The following CAMK1D variants were observed in gnomAD, a reference collection of about 807,000 sequenced individuals.
CAMK1D encodes the protein calcium/calmodulin-dependent protein kinase type 1D.
Under a neutral mutation model 47.7 loss-of-function variants are expected in CAMK1D, and 9 were observed. That is an observed-to-expected ratio of 0.19 (90% CI 0.11 to 0.33). The LOEUF is 0.33. CAMK1D is among the 10% of genes least tolerant of loss of function. CAMK1D has a pLI of 1.00. For missense variants in CAMK1D, 291 were observed against 488.7 expected (o/e 0.60, Z 3.81); for synonymous variants, 184 against 184.9 (o/e 0.99, Z 0.04).
intron 2 of CAMK1D, among the ~76,000 whole-genome samples, chr10:12,638,243 C>T (rs1281688213): frequency 6.6e-6 from 1 of 152,188 alleles, no homozygotes; most frequent in Non-Finnish European, 1.5e-5. Flanking sequence ...GCTTCCACTG[C>T]CTGGCCCTCC....
chr10:12,643,422 C>T (rs1445871798), intron 2 of CAMK1D, among the ~76,000 whole-genome samples: 2 of 152,198 alleles, frequency 1.3e-5, no homozygotes, highest in African/African-American at 2.4e-5. Context: ...AGACGAGCGG[C>T]AGGTGAGTGG....
At chr10:12,535,284 C>A (rs12267896) in intron 1 of CAMK1D, among the ~76,000 whole-genome samples, 2,223 of 152,312 alleles carry the variant, frequency 0.015, 57 homozygotes, top group African/African-American at 0.05. Context: ...GCTCCAACTT[C>A]TTAGGATACC....
intron 2 of CAMK1D, among the ~76,000 whole-genome samples, chr10:12,625,369 T>G (rs1429880750): frequency 6.7e-6 from 1 of 149,592 alleles, no homozygotes; most frequent in Non-Finnish European, 1.5e-5. Flanking sequence ...AAAGAAACAG[T>G]TATCCAGGCT....
intron 1 of CAMK1D, among the ~76,000 whole-genome samples, chr10:12,497,757 GA>G (rs36035337): frequency 0.077 from 11,706 of 152,268 alleles, 573 homozygotes; most frequent in Admixed American, 0.14. Flanking sequence ...GATTAGATTG[GA>G]AAGTCCAGAG....
chr10:12,580,336 T>TC (rs1243856561), intron 2 of CAMK1D, among the ~76,000 whole-genome samples: 4,118 of 126,594 alleles, frequency 0.033, 209 homozygotes, highest in African/African-American at 0.12. Flanking sequence ...CTCCCTTCCT[T>TC]CCTTTTTTTT....
At chr10:12,645,970 G>GTT (rs5783282) in intron 2 of CAMK1D, among the ~76,000 whole-genome samples, 19 of 136,918 alleles carry the variant, frequency 1.4e-4, no homozygotes, top group East Asian at 8.6e-4. Context: ...ATGGCTAGTT[G>GTT]TTTTTTTTTT....
chr10:12,394,100 C>T (rs147221765), intron 1 of CAMK1D, among the ~76,000 whole-genome samples: 1 of 152,234 alleles, frequency 6.6e-6, no homozygotes, highest in African/African-American at 2.4e-5. Flanking sequence ...ACCATCCCAA[C>T]ACACGTTTGA....
At chr10:12,553,137 T>A in intron 1 of CAMK1D, 88 bp from the exon 2 acceptor site, 1 of 1,597,564 alleles carries the variant, frequency 6.3e-7, no homozygotes, top group Non-Finnish European at 8.5e-7. Context: ...CGTTATTGTT[T>A]ACTCAAACTT....
intron 3 of CAMK1D, among the ~76,000 whole-genome samples, chr10:12,721,299 A>G (rs1345072361): frequency 6.6e-6 from 1 of 152,226 alleles, no homozygotes; most frequent in African/African-American, 2.4e-5. Flanking sequence ...AGGGCTAGCA[A>G]TTTCTTCACT....
intron 2 of CAMK1D, among the ~76,000 whole-genome samples, chr10:12,616,124 A>G (rs1350880187): frequency 6.6e-6 from 1 of 151,670 alleles, no homozygotes; most frequent in African/African-American, 2.4e-5. Context: ...GTGGGTGTGT[A>G]TATGTAGGTG....
intron 1 of CAMK1D, among the ~76,000 whole-genome samples, chr10:12,388,147 C>G (rs568404654): frequency 6.6e-6 from 1 of 152,306 alleles, no homozygotes; most frequent in South Asian, 2.1e-4. Flanking sequence ...CTCAGCCTCC[C>G]AAGTAGCTGG....
chr10:12,466,821 GCTT>G (rs1833605941), intron 1 of CAMK1D, among the ~76,000 whole-genome samples: 1 of 152,098 alleles, frequency 6.6e-6, no homozygotes. Flanking sequence ...GCTACACAGG[GCTT>G]CTTACACGAG....
chr10:12,462,143 T>G (rs1323245001), intron 1 of CAMK1D, among the ~76,000 whole-genome samples: 1 of 149,874 alleles, frequency 6.7e-6, no homozygotes, highest in Non-Finnish European at 1.5e-5. Context: ...TTTGAATTTC[T>G]GGCCTATGAA....
chr10:12,797,134 A>G (rs1006822175), intron 6 of CAMK1D, among the ~76,000 whole-genome samples: 27 of 151,898 alleles, frequency 1.8e-4, no homozygotes, highest in African/African-American at 5.8e-4. Context: ...CACCTTCTCC[A>G]TAGAAGGATG....
intron 5 of CAMK1D, among the ~76,000 whole-genome samples, chr10:12,790,684 A>C (rs1588931809): frequency 6.6e-6 from 1 of 151,928 alleles, no homozygotes; most frequent in African/African-American, 2.4e-5. Context: ...TAGCGTCTTC[A>C]TATTTCTTTC....
intron 1 of CAMK1D, among the ~76,000 whole-genome samples, chr10:12,420,711 C>T (rs1346425616): frequency 1.3e-5 from 2 of 152,162 alleles, no homozygotes; most frequent in Non-Finnish European, 2.9e-5. Flanking sequence ...TATATTACAT[C>T]AGGGCCATGA....
chr10:12,581,421 A>G (rs573994194), intron 2 of CAMK1D, among the ~76,000 whole-genome samples: 2 of 152,264 alleles, frequency 1.3e-5, no homozygotes, highest in Non-Finnish European at 2.9e-5. Context: ...GGATTGCTGG[A>G]TCAAACAGTA....
Position 12,372,076 on chromosome 10 carries a change from A to T in CAMK1D, c.92+22166A>T, listed in dbSNP as rs1838022502. 2.0e-5 allele frequency among the ~76,000 whole-genome samples: 3 copies of T among 152,202 alleles called. No homozygotes were observed. In the South Asian group the frequency reaches 6.2e-4, roughly 31 times the overall value. On this transcript the variant is annotated intron_variant, in intron 1 of 10. Transcript: ENST00000619168. ...ACAGTTGCCTGTTGTATCCAGTGCC[A>T]TCACATGCTGTACAGGTTGGCAGTC...
chr10:12,432,469 A>C (rs117238389), intron 1 of CAMK1D, among the ~76,000 whole-genome samples: 6 of 77,372 alleles, frequency 7.8e-5, no homozygotes, highest in Non-Finnish European at 2.3e-4. Flanking sequence ...ATGAATTAAT[A>C]AATAAATCAA....
Sources: gnomAD v4.1 joint callset for allele counts (sites outside exome capture counted in the v4.1 genomes callset) on GRCh38, gnomAD v4.1.1 for gene constraint, MANE v1.5 for transcripts, NCBI Gene and HGNC (gene_info 2026-07-23, HGNC 2026-07-21) for gene names.